Variants in EDNRB observed in about 807,000 individuals in gnomAD.
The protein encoded by EDNRB is endothelin receptor type B.
Under a neutral mutation model 46.4 loss-of-function variants are expected in EDNRB, and 18 were observed. That is an observed-to-expected ratio of 0.39 (90% CI 0.27 to 0.57). The LOEUF is 0.57. EDNRB is among the 20% of genes least tolerant of loss of function. The pLI is 0.61. For missense variants in EDNRB, 434 were observed against 537.5 expected (o/e 0.81, Z 1.90); for synonymous variants, 213 against 204.9 (o/e 1.04, Z -0.34).
At chr13:77,961,879 C>G (rs906937029) in intron 1 of EDNRB, among the ~76,000 whole-genome samples, 2 of 151,952 alleles carry the variant, frequency 1.3e-5, no homozygotes, top group Admixed American at 1.3e-4. Context: ...TGAAAGACTG[C>G]TATCAAGACT....
At chr13:77,971,056 C>T (rs1406119105) in intron 1 of EDNRB, among the ~76,000 whole-genome samples, 1 of 152,114 alleles carries the variant, frequency 6.6e-6, no homozygotes, top group Non-Finnish European at 1.5e-5. Context: ...CAAAGCTGCT[C>T]CCATCCACGT....
intron 1 of EDNRB, among the ~76,000 whole-genome samples, chr13:77,968,907 ACAAAT>A (rs1881650968): frequency 6.6e-6 from 1 of 152,180 alleles, no homozygotes; most frequent in Admixed American, 6.5e-5. Context: ...TTGAAGTTGG[ACAAAT>A]ATTCAGGAGT....
At chr13:77,900,808 G>A (rs1878930076) in intron 4 of EDNRB, among the ~76,000 whole-genome samples, 154 bp from the exon 5 acceptor site, 1 of 151,964 alleles carries the variant, frequency 6.6e-6, no homozygotes, top group Non-Finnish European at 1.5e-5. Flanking sequence ...TTAATGTGAA[G>A]TGGAACCGAA....
chr13:77,900,937 C>T, intron 4 of EDNRB, 121 bp downstream of exon 4: 5 of 1,225,176 alleles, frequency 4.1e-6, no homozygotes, highest in Non-Finnish European at 4.5e-6. Flanking sequence ...CTACCAGAAA[C>T]AAGAAAAAGG....
chr13:77,953,369 AAT>A (rs12720133), intron 1 of EDNRB, among the ~76,000 whole-genome samples: 1,965 of 150,598 alleles, frequency 0.013, 28 homozygotes, highest in African/African-American at 0.037. Context: ...TTAAAATATA[AAT>A]ATATATATAT....
intron 1 of EDNRB, among the ~76,000 whole-genome samples, chr13:77,938,895 G>A (rs1260168014): frequency 6.6e-6 from 1 of 152,198 alleles, no homozygotes; most frequent in South Asian, 2.1e-4. Flanking sequence ...GTCATAGGTG[G>A]ATCTTTTTCA....
Position 77,930,964 on chromosome 13 carries a change from A to G in EDNRB, c.-51-12340T>C, listed in dbSNP as rs531914434. ...GTAAAGACCCAAACTCTAAATGTGT[A>G]TTATCCATAGGCCTATATTTAACAG... On this transcript the variant is annotated intron_variant, in intron 1 of 7. Coordinates refer to the EDNRB transcript ENST00000646948. Among the ~76,000 whole-genome samples the G allele has an allele frequency of 5.9e-5, 9 of 152,288 alleles. No homozygotes were observed. The East Asian group carries it at 1.7e-3, about 29-fold the overall frequency.
intron 1 of EDNRB, among the ~76,000 whole-genome samples, chr13:77,906,042 G>T (rs1879258286): frequency 6.6e-6 from 1 of 151,942 alleles, no homozygotes; most frequent in South Asian, 2.1e-4. Context: ...GAGAACTAGT[G>T]GTGAGCTGGA....
chr13:77,975,042 C>G (rs1881846812), intron 1 of EDNRB, among the ~76,000 whole-genome samples: 1 of 152,110 alleles, frequency 6.6e-6, no homozygotes, highest in South Asian at 2.1e-4. Context: ...TTACACCAAA[C>G]AAAAATCAAA....
chr13:77,950,393 A>G (rs1185383417), intron 1 of EDNRB, among the ~76,000 whole-genome samples: 1 of 152,174 alleles, frequency 6.6e-6, no homozygotes, highest in African/African-American at 2.4e-5. Context: ...GTGTGGGACT[A>G]GATGGGTAAG....
At chr13:77,969,788 A>G (rs1049979996) in intron 1 of EDNRB, among the ~76,000 whole-genome samples, 1 of 152,214 alleles carries the variant, frequency 6.6e-6, no homozygotes, top group East Asian at 1.9e-4. Context: ...TGTGCTGTAC[A>G]TGACATACCT....
chr13:77,915,759 G>A (rs1210803159), intron 1 of EDNRB, among the ~76,000 whole-genome samples: 2 of 152,182 alleles, frequency 1.3e-5, no homozygotes, highest in Admixed American at 1.3e-4. Context: ...CCTTAGTGAT[G>A]GGACGTAATG....
At chr13:77,910,236 A>G (rs1006950314) in intron 1 of EDNRB, among the ~76,000 whole-genome samples, 1 of 152,014 alleles carries the variant, frequency 6.6e-6, no homozygotes, top group Non-Finnish European at 1.5e-5. Flanking sequence ...ACTGCAGTCT[A>G]TTCCATCCTG....
At chr13:77,964,782 G>T (rs1055175707) in intron 1 of EDNRB, among the ~76,000 whole-genome samples, 1 of 151,656 alleles carries the variant, frequency 6.6e-6, no homozygotes, top group African/African-American at 2.4e-5. Context: ...TATAATAAAA[G>T]AGAAGAATAA....
At chr13:77,949,596 G>C (rs1881031226) in intron 1 of EDNRB, among the ~76,000 whole-genome samples, 1 of 152,046 alleles carries the variant, frequency 6.6e-6, no homozygotes. Context: ...GAGTTCTGTG[G>C]GAACACGGAA....
chr13:77,933,700 T>A (rs1237448199), intron 1 of EDNRB, among the ~76,000 whole-genome samples: 1 of 151,788 alleles, frequency 6.6e-6, no homozygotes, highest in African/African-American at 2.4e-5. Flanking sequence ...ATGGCAAAAA[T>A]TTTGGGAGAT....
chr13:77,918,135 C>A lies in EDNRB; in HGVS notation c.439G>T (p.Asp147Tyr). ...NILIASLALG[D>Y]LLHIVIDIPI... ...ATGTCAATGACGATGTGCAGCAGGT[C>A]TCCCAGAGCCAAGCTGGCGATCAAG... Residue 147 changes from aspartate (D) to tyrosine (Y), a missense_variant, in exon 1 of 7, where the codon GAC becomes TAC. Asp to Tyr is a radical substitution (Grantham distance 160, BLOSUM62 -3). Coordinates refer to ENST00000646607, the MANE Select transcript of EDNRB (RefSeq NM_001122659.3). This position sits in a 1 kb window ranked among gnomAD's most constrained non-coding sequence, Gnocchi z 4.5. 6.2e-7 allele frequency: 1 copy of A among 1,614,204 alleles called. No homozygotes were observed. Among genetic ancestry groups the A allele is most frequent in the South Asian group, 1.1e-5 (1 of 91,082 alleles).
At chr13:77,957,800 C>G (rs1313743892) in intron 1 of EDNRB, among the ~76,000 whole-genome samples, 1 of 152,174 alleles carries the variant, frequency 6.6e-6, no homozygotes, top group African/African-American at 2.4e-5. Flanking sequence ...TCACAGCATT[C>G]ACGACTTTGG....
chr13:77,902,102 C>G (rs762204815), intron 3 of EDNRB, among the ~76,000 whole-genome samples: 3 of 151,828 alleles, frequency 2.0e-5, no homozygotes, highest in Non-Finnish European at 4.4e-5. Context: ...TAATAAATGA[C>G]CAGGATGAAA....
Sources: allele counts gnomAD v4.1 joint callset (sites outside exome capture counted in the v4.1 genomes callset), GRCh38; gene constraint gnomAD v4.1.1; non-coding constraint Gnocchi (gnomAD v3.1); transcripts MANE v1.5; gene names NCBI Gene and HGNC (gene_info 2026-07-23, HGNC 2026-07-21).